Variants in ZNF385D observed in about 807,000 individuals in gnomAD.
ZNF385D encodes the protein zinc finger protein 385D.
ZNF385D carries 15 observed loss-of-function variants against 35.8 expected under a neutral mutation model. That is an observed-to-expected ratio of 0.42 (90% CI 0.28 to 0.64). The LOEUF (loss-of-function observed/expected upper bound fraction) is 0.64. ZNF385D is among the 30% of genes least tolerant of loss of function. ZNF385D has a pLI of 0.23. For synonymous variants in ZNF385D, 212 were observed against 186.8 expected, an observed-to-expected ratio of 1.13 and a Z score of -1.10; for missense variants, 474 against 494.6, an observed-to-expected ratio of 0.96 and a Z score of 0.39.
At chr3:21,710,432 A>G (rs930671301) in intron 1 of ZNF385D, among the ~76,000 whole-genome samples, 2 of 152,136 alleles carry the variant, frequency 1.3e-5, no homozygotes, top group Admixed American at 1.3e-4. Flanking sequence ...ATAAAGTTCA[A>G]CTGTATGGCT....
chr3:21,848,700 C>T (rs915847069), intron 3 of ZNF385D, among the ~76,000 whole-genome samples: 17 of 151,944 alleles, frequency 1.1e-4, no homozygotes, highest in African/African-American at 4.1e-4. Flanking sequence ...AAATAGAATG[C>T]CTGAATAGTC....
chr3:22,301,211 T>C lies in ZNF385D; in HGVS notation c.106+71239A>G, dbSNP rs142489380. Among the ~76,000 whole-genome samples, 700 of 152,094 alleles carry C rather than the reference T, an allele frequency of 4.6e-3. 8 individuals are homozygous for C. Among genetic ancestry groups the C allele is most frequent in the Middle Eastern group, 0.041 (12 of 294 alleles). ...GACAACTACTGCATGACCTCACTTATATATGGAATCTTAAGAAGTTGGACT... is the reference window on the plus strand; with the variant it reads ...GACAACTACTGCATGACCTCACTTACATATGGAATCTTAAGAAGTTGGACT... On this transcript the variant is annotated intron_variant, in intron 2 of 5. Coordinates refer to the ZNF385D transcript ENST00000494108.
chr3:22,040,961 T>C (rs11915243), intron 3 of ZNF385D, among the ~76,000 whole-genome samples: 21,724 of 152,088 alleles, frequency 0.14, 1,617 homozygotes, highest in South Asian at 0.21. Context: ...TTTTTCTCAG[T>C]GTACAATTCA....
chr3:21,875,880 A>G (rs1697938025), intron 3 of ZNF385D, among the ~76,000 whole-genome samples: 1 of 152,100 alleles, frequency 6.6e-6, no homozygotes, highest in Non-Finnish European at 1.5e-5. Flanking sequence ...AATTTCCTAC[A>G]TCCATAGAAT....
chr3:21,791,564 T>A (rs1234168923), intron 3 of ZNF385D, among the ~76,000 whole-genome samples: 3 of 152,194 alleles, frequency 2.0e-5, no homozygotes, highest in Non-Finnish European at 4.4e-5. Context: ...ATTCTGCCAG[T>A]GCTTAGAGAC....
chr3:22,281,817 T>C (rs1017089585), intron 2 of ZNF385D, among the ~76,000 whole-genome samples: 4 of 152,084 alleles, frequency 2.6e-5, no homozygotes, highest in Non-Finnish European at 5.9e-5. Context: ...ATAGGATTGG[T>C]ACCAATTGTT....
At chr3:22,299,764 TA>T (rs1211236688) in intron 2 of ZNF385D, among the ~76,000 whole-genome samples, 1 of 151,712 alleles carries the variant, frequency 6.6e-6, no homozygotes, top group African/African-American at 2.4e-5. Context: ...ACCAAAGCAG[TA>T]AAAGACCTGT....
At chr3:21,844,016 A>C (rs1695843469) in intron 3 of ZNF385D, among the ~76,000 whole-genome samples, 1 of 151,970 alleles carries the variant, frequency 6.6e-6, no homozygotes, top group Admixed American at 6.6e-5. Flanking sequence ...GCGTCACACA[A>C]AAAGTAGAAA....
rs3073906 is a variant in ZNF385D, at chr3:21,864,990, C to CTTTTTTTTT, written c.326-199971_326-199963dup. On this transcript the variant is annotated intron_variant, in intron 3 of 5. Transcript: ENST00000494108. ...CAGCCAACCTACGTTTGGAACAATGCTTTTTTTTTTTTTCTTCCACTTTGC... is the reference window on the plus strand; with the variant it reads ...CAGCCAACCTACGTTTGGAACAATGCTTTTTTTTTTTTTTTTTTTTTTCTTCCACTTTGC... 3.3e-4 allele frequency among the ~76,000 whole-genome samples: 37 copies of CTTTTTTTTT among 112,150 alleles called. 2 individuals carry two copies. Among genetic ancestry groups the CTTTTTTTTT allele is most frequent in the Admixed American group, 2.1e-4 (2 of 9,548 alleles). The allele number at this position is 112,150 out of a possible 152,430, so 73.6% of individuals were successfully genotyped here. A position where few individuals can be genotyped will look rare whatever the true frequency, so the allele number is the denominator to read the frequency against.
At chr3:21,751,345 A>C, upstream of ZNF385D, 40 of 1,044,952 alleles carry the variant, frequency 3.8e-5, no homozygotes, top group Non-Finnish European at 4.4e-5. Flanking sequence ...GAGACTTGGG[A>C]AGGGGCGGAG....
chr3:21,558,495 T>C (rs116830886), intron 3 of ZNF385D, among the ~76,000 whole-genome samples: 4,982 of 152,300 alleles, frequency 0.033, 256 homozygotes, highest in African/African-American at 0.11. Flanking sequence ...TGACTTCCAA[T>C]TTAATTGCAC....
intron 3 of ZNF385D, among the ~76,000 whole-genome samples, chr3:22,153,142 C>G (rs1006287308): frequency 5.3e-5 from 8 of 152,152 alleles, no homozygotes; most frequent in Non-Finnish European, 1.2e-4. Context: ...CTCTGCTGTA[C>G]AAATCTGTGA....
chr3:22,115,699 A>T (rs1177365998), intron 3 of ZNF385D, among the ~76,000 whole-genome samples: 2 of 152,114 alleles, frequency 1.3e-5, no homozygotes, highest in African/African-American at 4.8e-5. Flanking sequence ...GCTTTTCTGC[A>T]AAGTGTAAAA....
At chr3:21,899,868 TCTTG>T (rs1699313332) in intron 3 of ZNF385D, among the ~76,000 whole-genome samples, 1 of 152,110 alleles carries the variant, frequency 6.6e-6, no homozygotes, top group African/African-American at 2.4e-5. Flanking sequence ...AAAGTTGAAG[TCTTG>T]CTTAAGATAT....
rs764211099 is a variant in ZNF385D at position 21,564,735 on chromosome 3, C to G, written c.166-51G>C. 5 of 1,227,068 alleles carry G rather than the reference C, an allele frequency of 4.1e-6. 1 individual carries two copies. In the South Asian group the frequency reaches 8.3e-5, roughly 20 times the overall value. 76.0% of individuals were successfully genotyped at this position (1,227,068 alleles called of 1,614,324 possible). On this transcript the variant is annotated intron_variant, in intron 2 of 7. Transcript: ENST00000281523. ...CAAATAGAAATAAAGCTTGTCAGTT[C>G]CATTGGAATTTTGCCTATTTCATTA... is the stretch of plus-strand genomic sequence containing the variant.
intron 3 of ZNF385D, among the ~76,000 whole-genome samples, chr3:22,123,952 C>G (rs1306028368): frequency 4.9e-5 from 5 of 102,122 alleles, no homozygotes; most frequent in Admixed American, 1.1e-4. Context: ...CTCTCTCTCT[C>G]TCTCTCTCTC....
At chr3:22,253,576 C>T (rs943320414) in intron 2 of ZNF385D, among the ~76,000 whole-genome samples, 13 of 152,018 alleles carry the variant, frequency 8.6e-5, no homozygotes, top group African/African-American at 2.9e-4. Flanking sequence ...GTTCTCATGA[C>T]ATGATAGGAC....
chr3:22,272,982 CT>C (rs1420981285), intron 2 of ZNF385D, among the ~76,000 whole-genome samples: 4 of 151,678 alleles, frequency 2.6e-5, no homozygotes, highest in Non-Finnish European at 5.9e-5. Flanking sequence ...TTATTACTAA[CT>C]TATTTCCTAG....
rs1491571691 is a variant in ZNF385D, at chr3:22,123,962, C to CTCTCTA, written c.325+44854_325+44855insTAGAGA. 5.2e-3 allele frequency among the ~76,000 whole-genome samples: 319 copies of CTCTCTA among 61,808 alleles called. 3 individuals carry two copies. Among genetic ancestry groups the CTCTCTA allele is most frequent in the Non-Finnish European group, 8.5e-3 (272 of 32,034 alleles). The allele number at this position is 61,808 out of a possible 152,430, so 40.5% of individuals were successfully genotyped here. A position where few individuals can be genotyped will look rare whatever the true frequency, so the allele number is the denominator to read the frequency against. ...TCTCTCTCTCTCTCTCTCTCTCTCT[C>CTCTCTA]TATATATATATATATATATATATAT... On this transcript the variant is annotated intron_variant, in intron 3 of 5. Coordinates refer to the ZNF385D transcript ENST00000494108.
Sources: allele counts gnomAD v4.1 joint callset (sites outside exome capture counted in the v4.1 genomes callset), GRCh38; gene constraint gnomAD v4.1.1; transcripts MANE v1.5; gene names NCBI Gene and HGNC (gene_info 2026-07-23, HGNC 2026-07-21).